The following TNIP3 variants were observed in gnomAD, a reference collection of about 807,000 sequenced individuals.
The protein encoded by TNIP3 is TNFAIP3 interacting protein 3, also known as TNFAIP3-interacting protein 3.
A neutral mutation model predicts 54.1 loss-of-function variants in TNIP3; 34 were observed. The observed-to-expected ratio is 0.63, with a 90% CI of 0.48 to 0.84. The LOEUF (loss-of-function observed/expected upper bound fraction) is 0.84. Among genes scored for constraint, TNIP3 ranks in the 40% least tolerant of loss-of-function variants. The probability of loss-of-function intolerance (pLI) is 0.00; values close to 1 mark genes in which losing one functional copy is unlikely to be tolerated. For missense variants in TNIP3, 366 were observed against 387.6 expected (o/e 0.94, Z 0.47); for synonymous variants, 134 against 136.8 (o/e 0.98, Z 0.14).
Position 121,147,185 on chromosome 4 carries a change from T to C in TNIP3, c.610-11A>G. 6.2e-7 allele frequency: 1 copy of C among 1,603,126 alleles called. No individual in the cohort carries two copies. Among genetic ancestry groups the C allele is most frequent in the Non-Finnish European group, 8.5e-7 (1 of 1,176,426 alleles). On this transcript the variant is annotated splice_polypyrimidine_tract_variant and intron_variant, in intron 6 of 10. Coordinates refer to ENST00000057513, the MANE Select transcript of TNIP3 (RefSeq NM_024873.6). ...TTCGTATATTTGCACCTAAGAAATA[T>C]TAGCTTGCTGTTACTGTAAGCTTCC...
chr4:121,216,961 G>GT (rs549191002), upstream of TNIP3, among the ~76,000 whole-genome samples: 346 of 152,214 alleles, frequency 2.3e-3, 1 homozygote, highest in Middle Eastern at 0.024. Context: ...TCCAACAGGA[G>GT]TTTATGATTA....
intron 1 of TNIP3, among the ~76,000 whole-genome samples, chr4:121,226,526 T>TGG (rs886633859): frequency 3.3e-5 from 5 of 152,350 alleles, no homozygotes; most frequent in African/African-American, 1.2e-4. Flanking sequence ...AAGGACACTC[T>TGG]GGGAGTCTCT....
At chr4:121,143,957 G>A (rs1009153557) in intron 7 of TNIP3, among the ~76,000 whole-genome samples, 1 of 152,104 alleles carries the variant, frequency 6.6e-6, no homozygotes, top group Non-Finnish European at 1.5e-5. Context: ...AAAAATGCAG[G>A]AAACATGGCA....
In TNIP3 at chr4:121,154,946, A is replaced by C. The variant is rs79141973; in HGVS notation, c.364-267T>G. 1.5e-3 allele frequency among the ~76,000 whole-genome samples: 221 copies of C among 152,010 alleles called. 1 individual carries two copies. Among genetic ancestry groups the C allele is most frequent in the Non-Finnish European group, 1.8e-3 (125 of 67,958 alleles). On this transcript the variant is annotated intron_variant, in intron 4 of 10. Transcript: ENST00000057513. ...GAAATTTTGTGACCCCAGGAAAAAA[A>C]AAATCAAAATTCCCAATTCTTTTTT...
At chr4:121,196,043 C>A (rs980298457) in intron 2 of TNIP3, among the ~76,000 whole-genome samples, 1 of 152,302 alleles carries the variant, frequency 6.6e-6, no homozygotes, top group Middle Eastern at 3.4e-3. Context: ...ACACCACACG[C>A]TTGATTTTAT....
chr4:121,147,950 G>C (rs189920915), intron 6 of TNIP3, among the ~76,000 whole-genome samples: 77 of 152,298 alleles, frequency 5.1e-4, no homozygotes, highest in Middle Eastern at 3.4e-3. Flanking sequence ...ATTTTGTATA[G>C]ATCTACATGC....
intron 2 of TNIP3, among the ~76,000 whole-genome samples, chr4:121,185,285 G>A (rs1724953458): frequency 6.6e-6 from 1 of 152,112 alleles, no homozygotes; most frequent in Non-Finnish European, 1.5e-5. Flanking sequence ...CCAGGCCTTG[G>A]TGTTTGCTCT....
At chr4:121,213,196 C>G (rs959284027) in intron 2 of TNIP3, among the ~76,000 whole-genome samples, 15 of 152,240 alleles carry the variant, frequency 9.9e-5, no homozygotes, top group East Asian at 5.8e-4. Flanking sequence ...TGAAATCCAC[C>G]ATATCATTAC....
chr4:121,221,011 T>A (rs1727004173), upstream of TNIP3, among the ~76,000 whole-genome samples: 1 of 152,098 alleles, frequency 6.6e-6, no homozygotes, highest in African/African-American at 2.4e-5. Context: ...TTTAAAAAAA[T>A]CAATGAGAAC....
At chr4:121,216,773 G>A (rs372561983), upstream of TNIP3, 33 of 541,296 alleles carry the variant, frequency 6.1e-5, no homozygotes, top group East Asian at 5.0e-4. Context: ...AATTGTCCAG[G>A]AGCAAGTAAA....
chr4:121,205,590 G>A (rs1361837225), intron 2 of TNIP3, among the ~76,000 whole-genome samples: 2 of 152,020 alleles, frequency 1.3e-5, no homozygotes, highest in Non-Finnish European at 2.9e-5. Flanking sequence ...AGTTTAAGAA[G>A]CTCTTGAAAT....
chr4:121,140,813 C>T (rs1024099509), intron 9 of TNIP3, among the ~76,000 whole-genome samples: 4 of 152,054 alleles, frequency 2.6e-5, no homozygotes, highest in African/African-American at 7.2e-5. Context: ...TAGCAACCCG[C>T]AATAACATGA....
At chr4:121,183,257 C>T (rs1724819077) in intron 2 of TNIP3, among the ~76,000 whole-genome samples, 1 of 152,212 alleles carries the variant, frequency 6.6e-6, no homozygotes. Flanking sequence ...CTGTAGAATT[C>T]TACAGTCTGC....
chr4:121,216,150 T>C (rs1191881510), intron 2 of TNIP3, among the ~76,000 whole-genome samples: 1 of 152,160 alleles, frequency 6.6e-6, no homozygotes, highest in Non-Finnish European at 1.5e-5. Context: ...CCAAGGCTTG[T>C]CAATGGAAAT....
At chr4:121,160,730 C>G (rs1449944602) in intron 2 of TNIP3, among the ~76,000 whole-genome samples, 2 of 152,088 alleles carry the variant, frequency 1.3e-5, no homozygotes, top group African/African-American at 4.8e-5. Context: ...ATCAACTATA[C>G]TTAAAGACTT....
At chr4:121,162,372 A>G (rs1730505621) in intron 1 of TNIP3, among the ~76,000 whole-genome samples, 1 of 152,220 alleles carries the variant, frequency 6.6e-6, no homozygotes, top group Admixed American at 6.5e-5. Context: ...CCACATTTAA[A>G]AAGAGACAGT....
intron 2 of TNIP3, among the ~76,000 whole-genome samples, chr4:121,191,594 C>T (rs1725314453): frequency 6.6e-6 from 1 of 152,160 alleles, no homozygotes; most frequent in South Asian, 2.1e-4. Flanking sequence ...TTTAACTTAT[C>T]AAAATGTTTC....
At chr4:121,186,338 G>A (rs1340202377) in intron 2 of TNIP3, among the ~76,000 whole-genome samples, 1 of 152,216 alleles carries the variant, frequency 6.6e-6, no homozygotes, top group Non-Finnish European at 1.5e-5. Flanking sequence ...GCACACAGGA[G>A]GGGTGGAGCT....
At chr4:121,182,537 G>T in intron 3 of TNIP3, 1 of 1,003,502 alleles carries the variant, frequency 1.0e-6, no homozygotes, top group Non-Finnish European at 1.4e-6. Context: ...GTTTTATACT[G>T]CTTCAGTTTA....
Sources: gnomAD v4.1 joint callset for allele counts (sites outside exome capture counted in the v4.1 genomes callset) on GRCh38, gnomAD v4.1.1 for gene constraint, MANE v1.5 for transcripts, NCBI Gene and HGNC (gene_info 2026-07-23, HGNC 2026-07-21) for gene names.